Variants in TMEM74 observed in about 807,000 individuals in gnomAD.
The protein encoded by TMEM74 is transmembrane protein 74.
A neutral mutation model predicts 18.1 loss-of-function variants in TMEM74; 13 were observed. The observed-to-expected ratio is 0.72, with a 90% CI of 0.47 to 1.14. The LOEUF is 1.14. Ranked by LOEUF, TMEM74 falls within the 50% of genes most tolerant of loss-of-function variation. TMEM74 has a pLI of 0.00. For synonymous variants in TMEM74, 159 were observed against 146.6 expected (o/e 1.08, Z -0.61); for missense variants, 372 against 375.9 (o/e 0.99, Z 0.09).
chr8:108,656,263 G>T (rs775892728), intron 1 of TMEM74, among the ~76,000 whole-genome samples: 31 of 152,238 alleles, frequency 2.0e-4, no homozygotes, highest in Non-Finnish European at 3.4e-4. Context: ...AGTGGTAAAG[G>T]TTGTAAACTT....
intron 2 of TMEM74, among the ~76,000 whole-genome samples, chr8:108,617,190 C>G (rs959003573): frequency 1.3e-5 from 2 of 151,716 alleles, no homozygotes; most frequent in Non-Finnish European, 2.9e-5. Flanking sequence ...CAAACGCAAG[C>G]AGATGCAAAG....
intron 1 of TMEM74, among the ~76,000 whole-genome samples, chr8:108,730,966 A>G (rs1446485414): frequency 1.3e-5 from 2 of 152,200 alleles, no homozygotes; most frequent in African/African-American, 4.8e-5. Context: ...CTCATCCAGC[A>G]TAAACATGCT....
At chr8:108,768,564 C>T (rs1036947725) in intron 1 of TMEM74, among the ~76,000 whole-genome samples, 2 of 152,128 alleles carry the variant, frequency 1.3e-5, no homozygotes, top group African/African-American at 4.8e-5. Context: ...GCAATACCAC[C>T]AGCTCCTCCT....
intron 1 of TMEM74, among the ~76,000 whole-genome samples, chr8:108,787,125 G>A (rs1456280878): frequency 1.3e-5 from 2 of 152,112 alleles, no homozygotes; most frequent in African/African-American, 2.4e-5. Context: ...GAGGGGACAC[G>A]CACTTTCCCT....
chr8:108,731,794 T>G (rs1813697939), intron 1 of TMEM74, among the ~76,000 whole-genome samples: 1 of 152,218 alleles, frequency 6.6e-6, no homozygotes, highest in South Asian at 2.1e-4. Context: ...ATTATTGTTC[T>G]GTGGAAGAAT....
chr8:108,688,709 G>T (rs1813196114), intron 1 of TMEM74, among the ~76,000 whole-genome samples: 1 of 152,124 alleles, frequency 6.6e-6, no homozygotes, highest in Admixed American at 6.5e-5. Flanking sequence ...GGGGAGCAAA[G>T]GAAACATAAT....
intron 1 of TMEM74, among the ~76,000 whole-genome samples, chr8:108,733,179 A>G (rs1448540280): frequency 6.6e-6 from 1 of 152,178 alleles, no homozygotes; most frequent in Non-Finnish European, 1.5e-5. Flanking sequence ...TTTAAAAACA[A>G]CTATAGAAGC....
At chr8:108,730,137 G>A (rs1470815563) in intron 1 of TMEM74, among the ~76,000 whole-genome samples, 77 of 152,188 alleles carry the variant, frequency 5.1e-4, no homozygotes, top group Non-Finnish European at 1.5e-5. Flanking sequence ...GCATGAGCCT[G>A]CTAGTCTTTC....
rs1194657977 is a variant in TMEM74, at chr8:108,783,064, C to A, written c.*1117G>T. Among the ~76,000 whole-genome samples the A allele has an allele frequency of 6.6e-6, 1 of 152,182 alleles. No homozygotes were observed. Among genetic ancestry groups the A allele is most frequent in the Non-Finnish European group, 1.5e-5 (1 of 68,036 alleles). On this transcript the variant is annotated 3_prime_UTR_variant, in exon 2 of 2. Transcript: ENST00000297459. ...GGGAGGTGAGTTCTGACGATGACTA[C>A]AGTCCCCATTAAATCAGTGTATTGA...
chr8:108,676,102 G>A (rs1361079581), intron 1 of TMEM74, among the ~76,000 whole-genome samples: 1 of 152,152 alleles, frequency 6.6e-6, no homozygotes, highest in African/African-American at 2.4e-5. Context: ...TATTCAAGGG[G>A]AGTATTTATT....
At chr8:108,740,943 T>A (rs1312470262) in intron 1 of TMEM74, among the ~76,000 whole-genome samples, 2 of 152,108 alleles carry the variant, frequency 1.3e-5, no homozygotes, top group Non-Finnish European at 2.9e-5. Context: ...CCAAATATCA[T>A]CAAAAGAAGA....
chr8:108,753,411 C>A (rs2130654350), intron 1 of TMEM74, among the ~76,000 whole-genome samples: 1 of 152,066 alleles, frequency 6.6e-6, no homozygotes, highest in South Asian at 2.1e-4. Context: ...TGGTGTTGAG[C>A]ATTTGCCATA....
intron 1 of TMEM74, among the ~76,000 whole-genome samples, chr8:108,694,757 C>T (rs1041077328): frequency 1.4e-4 from 21 of 152,152 alleles, no homozygotes; most frequent in Admixed American, 5.2e-4. Context: ...AGGATTTGAC[C>T]GTACACAACT....
chr8:108,731,386 C>T (rs2130639277), intron 1 of TMEM74, among the ~76,000 whole-genome samples: 1 of 152,152 alleles, frequency 6.6e-6, no homozygotes, highest in East Asian at 1.9e-4. Flanking sequence ...ATCAATTTAA[C>T]ATAGTGATCT....
At chr8:108,727,397 G>C (rs1441431435) in intron 1 of TMEM74, among the ~76,000 whole-genome samples, 3 of 152,286 alleles carry the variant, frequency 2.0e-5, no homozygotes, top group East Asian at 3.9e-4. Context: ...ATGACAAGTG[G>C]CAAGATTTTT....
intron 2 of TMEM74, among the ~76,000 whole-genome samples, chr8:108,632,283 A>G (rs1812560380): frequency 6.6e-6 from 1 of 152,012 alleles, no homozygotes; most frequent in South Asian, 2.1e-4. Flanking sequence ...AAAAAATGCT[A>G]TCTTTAAGAA....
chr8:108,615,104 G>C (rs1478427537), intron 2 of TMEM74, among the ~76,000 whole-genome samples: 1 of 152,108 alleles, frequency 6.6e-6, no homozygotes, highest in Non-Finnish European at 1.5e-5. Context: ...TGTTAGAGGG[G>C]ATACATAGAA....
intron 1 of TMEM74, among the ~76,000 whole-genome samples, chr8:108,718,243 C>G (rs1039571085): frequency 1.4e-5 from 1 of 71,070 alleles, no homozygotes; most frequent in Non-Finnish European, 2.3e-5. Flanking sequence ...CAGGCGTGAG[C>G]CACCGCGCCC....
chr8:108,664,747 A>T (rs1411583975), intron 1 of TMEM74, among the ~76,000 whole-genome samples: 1 of 152,066 alleles, frequency 6.6e-6, no homozygotes, highest in East Asian at 1.9e-4. Flanking sequence ...TATTGTCCCC[A>T]TATAACCTAG....
Sources: allele counts gnomAD v4.1 joint callset (sites outside exome capture counted in the v4.1 genomes callset), GRCh38; gene constraint gnomAD v4.1.1; transcripts MANE v1.5; gene names NCBI Gene and HGNC (gene_info 2026-07-23, HGNC 2026-07-21).